Variants in MED12L observed in about 807,000 individuals in gnomAD.
MED12L encodes mediator of RNA polymerase II transcription subunit 12-like protein.
Under a neutral mutation model 281.3 loss-of-function variants are expected in MED12L, and 60 were observed. The ratio of observed to expected loss-of-function variants is 0.21; its 90% CI spans 0.17 to 0.26. The LOEUF (loss-of-function observed/expected upper bound fraction) is 0.26, where lower values mean the gene tolerates loss of function less well. MED12L is among the 10% of genes least tolerant of loss of function. The pLI is 1.00. For synonymous variants in MED12L, 974 were observed against 987.2 expected, an observed-to-expected ratio of 0.99 and a Z score of 0.25; for missense variants, 2,146 against 2,680.9, an observed-to-expected ratio of 0.80 and a Z score of 4.41.
intron 16 of MED12L, among the ~76,000 whole-genome samples, chr3:151,217,536 C>T (rs184147277): frequency 2.7e-4 from 41 of 152,302 alleles, no homozygotes; most frequent in African/African-American, 8.7e-4. Flanking sequence ...AGCTTACCTG[C>T]GCCCTTTCCC....
At chr3:151,368,068 G>C in intron 24 of MED12L, 82 bp from the exon 25 acceptor site, 2 of 1,133,764 alleles carry the variant, frequency 1.8e-6, no homozygotes, top group Non-Finnish European at 2.6e-6. Flanking sequence ...AATTATTCCA[G>C]GAAATTTAGC....
chr3:151,158,422 A>G (rs1331062787), intron 6 of MED12L, among the ~76,000 whole-genome samples: 1 of 151,810 alleles, frequency 6.6e-6, no homozygotes, highest in Non-Finnish European at 1.5e-5. Context: ...CCTGACACAC[A>G]CTGGGGGTGT....
rs574314588 is a variant in MED12L at position 151,086,825 on chromosome 3, G to T, written c.-102G>T. Reference sequence around the variant, plus strand: ...CCACAGCGAGCGAGCGAGCGAGGAGGGGGAGAGAGGGAGTCTGTCTGCAAA... The same window carrying T: ...CCACAGCGAGCGAGCGAGCGAGGAGTGGGAGAGAGGGAGTCTGTCTGCAAA... On this transcript the variant is annotated 5_prime_UTR_variant, in exon 2 of 45. Transcript: ENST00000687756. 33 of 868,220 alleles carry T rather than the reference G, an allele frequency of 3.8e-5. No homozygotes were observed. The African/African-American group carries it at 4.2e-4, about 11-fold the overall frequency. 53.8% of individuals were successfully genotyped at this position (868,220 alleles called of 1,614,324 possible). A position where few individuals can be genotyped will look rare whatever the true frequency, so the allele number is the denominator to read the frequency against.
intron 2 of MED12L, among the ~76,000 whole-genome samples, chr3:151,115,116 A>G (rs1712519017): frequency 6.6e-6 from 1 of 152,156 alleles, no homozygotes; most frequent in South Asian, 2.1e-4. Context: ...GTGAGAAAAC[A>G]TTGCAGCTCT....
intron 5 of MED12L, among the ~76,000 whole-genome samples, chr3:151,140,108 TCTAAG>T (rs1294680603): frequency 1.3e-5 from 2 of 152,240 alleles, no homozygotes; most frequent in African/African-American, 2.4e-5. Context: ...CTTACTTTTC[TCTAAG>T]CTAACTACTT....
chr3:151,236,807 C>T (rs575426526), intron 16 of MED12L, among the ~76,000 whole-genome samples: 1 of 151,984 alleles, frequency 6.6e-6, no homozygotes, highest in African/African-American at 2.4e-5. Context: ...TTAAGTATTG[C>T]TATAATTAAT....
intron 43 of MED12L, 35 bp from the exon 44 acceptor site, chr3:151,430,264 A>G: frequency 6.2e-7 from 1 of 1,612,780 alleles, no homozygotes; most frequent in Non-Finnish European, 8.5e-7. Context: ...GGCACCATGG[A>G]ATGATTTCTG....
intron 16 of MED12L, among the ~76,000 whole-genome samples, chr3:151,264,214 T>C (rs1480898063): frequency 6.6e-6 from 1 of 152,232 alleles, no homozygotes; most frequent in Non-Finnish European, 1.5e-5. Context: ...TCTTTGAAGG[T>C]TGTGTTTTGA....
chr3:151,355,263 A>T (rs774768843), intron 18 of MED12L, 24 bp downstream of exon 18: 13 of 1,515,790 alleles, frequency 8.6e-6, no homozygotes, highest in African/African-American at 2.8e-5. Context: ...GCTGTTTATT[A>T]TGCATTTGCA....
At chr3:151,214,371 G>C (rs1401975063) in intron 16 of MED12L, 15 of 1,400,954 alleles carry the variant, frequency 1.1e-5, no homozygotes, top group Non-Finnish European at 4.9e-6. Flanking sequence ...GTCACTCATA[G>C]GGCACTTATG....
Position 151,185,322 on chromosome 3 carries a change from G to T in MED12L, c.1495-8G>T. ...ATGTGGCTGGTACCCCTCTCTGTTG[G>T]TCATTAGGTTGCGCCCAACGATGAA... On this transcript the variant is annotated splice_polypyrimidine_tract_variant and splice_region_variant and intron_variant, in intron 11 of 44. Transcript: ENST00000687756. 3.1e-6 allele frequency: 5 copies of T among 1,613,398 alleles called. No individual in the cohort carries two copies. The highest frequency in any genetic ancestry group is 4.2e-6 in the Non-Finnish European group (5 of 1,179,638).
At chr3:151,146,785 A>G (rs1717812710) in intron 5 of MED12L, among the ~76,000 whole-genome samples, 1 of 152,144 alleles carries the variant, frequency 6.6e-6, no homozygotes. Context: ...TGTCATTTCC[A>G]CTGTGTACCA....
chr3:151,181,603 T>A (rs1206725965), intron 11 of MED12L, among the ~76,000 whole-genome samples: 5 of 84,406 alleles, frequency 5.9e-5, no homozygotes, highest in Admixed American at 1.3e-4. Context: ...TTTTTTTTTT[T>A]AAGATGGAGT....
At chr3:151,142,537 C>T (rs1717167315) in intron 5 of MED12L, among the ~76,000 whole-genome samples, 1 of 152,130 alleles carries the variant, frequency 6.6e-6, no homozygotes. Context: ...TCTTCAGACC[C>T]CCTACCTCTA....
In MED12L at chr3:151,368,181, G is replaced by A. The variant is rs146195573; in HGVS notation, c.3480G>A (p.Ala1160=). 261 of 1,613,930 alleles carry A rather than the reference G, an allele frequency of 1.6e-4. No individual in the cohort carries two copies. The highest frequency in any genetic ancestry group is 1.0e-3 in the Admixed American group (62 of 59,986). ...GGGATGCGGACGCCGAGCCTGGGGC[G>A]AGAATGACATGCCGACTCTTGCTTC... The part of the protein sequence containing the change: ...ACGDADAEPG[A]RMTCRLLLHL... The change falls in exon 25 of 45, where the codon GCG becomes GCA. Residue 1160 remains alanine, a synonymous_variant. Transcript: ENST00000687756.
chr3:151,364,366 C>A (rs574098082), intron 21 of MED12L, among the ~76,000 whole-genome samples: 3 of 152,094 alleles, frequency 2.0e-5, no homozygotes, highest in Non-Finnish European at 4.4e-5. Context: ...AGAAATACAA[C>A]ATGATAAGTT....
chr3:151,237,035 T>C (rs1182847263), intron 16 of MED12L, among the ~76,000 whole-genome samples: 1 of 150,712 alleles, frequency 6.6e-6, no homozygotes, highest in African/African-American at 2.4e-5. Context: ...CTTCAGGAAG[T>C]GATGCCAAAC....
chr3:151,105,866 G>T (rs1045952441), intron 2 of MED12L, among the ~76,000 whole-genome samples: 3 of 152,146 alleles, frequency 2.0e-5, no homozygotes, highest in African/African-American at 7.2e-5. Context: ...CTGAACTTGT[G>T]ATCTGCTCCC....
intron 5 of MED12L, among the ~76,000 whole-genome samples, chr3:151,143,063 A>G (rs1425330627): frequency 2.6e-5 from 4 of 152,228 alleles, no homozygotes; most frequent in Admixed American, 1.3e-4. Context: ...AAATGAACAT[A>G]ACATGCATCA....
Sources: gnomAD v4.1 joint callset for allele counts (sites outside exome capture counted in the v4.1 genomes callset) on GRCh38, gnomAD v4.1.1 for gene constraint, MANE v1.5 for transcripts, NCBI Gene and HGNC (gene_info 2026-07-23, HGNC 2026-07-21) for gene names.